The following DPP9 variants were observed in gnomAD, a reference collection of about 807,000 sequenced individuals.
DPP9 encodes the protein dipeptidyl peptidase 9.
Under a neutral mutation model 110.7 loss-of-function variants are expected in DPP9, and 50 were observed. The ratio of observed to expected loss-of-function variants is 0.45; its 90% CI spans 0.36 to 0.57. DPP9 has a LOEUF of 0.57. Among genes scored for constraint, DPP9 ranks in the 20% least tolerant of loss-of-function variants. The pLI, the probability that DPP9 is intolerant of heterozygous loss-of-function variation, is 0.00. For synonymous variants in DPP9, 561 were observed against 514.4 expected, an observed-to-expected ratio of 1.09 and a Z score of -1.23; for missense variants, 1,022 against 1,217.9, an observed-to-expected ratio of 0.84 and a Z score of 2.39.
rs947273006 is a variant in DPP9, at chr19:4,684,595, C to T, written c.2178+68G>A. 17 of 1,572,072 alleles carry T rather than the reference C, an allele frequency of 1.1e-5. No individual in the cohort carries two copies. Among genetic ancestry groups the T allele is most frequent in the Non-Finnish European group, 1.4e-5 (16 of 1,153,232 alleles). On this transcript the variant is annotated intron_variant, in intron 18 of 21. Coordinates refer to ENST00000262960, the MANE Select transcript of DPP9 (RefSeq NM_139159.5). The surrounding 1 kb of genome is among the most constrained non-coding windows in gnomAD (Gnocchi z 4.8). ...ATTCCAGAGCCGCTCCCATGCCCTG[C>T]ACCCACACGGCCCAGGGCTCCCTTC... is the stretch of plus-strand genomic sequence containing the variant.
Position 4,710,633 on chromosome 19 carries a change from G to A in DPP9, c.313+3448C>T, listed in dbSNP as rs559783480. ...AAACCTGGTGCCTGCTGAGGGGACA[G>A]GTCCCATGCTTTGAGCAGCAGGCCA... On this transcript the variant is annotated intron_variant, in intron 4 of 21. Transcript: ENST00000262960. The surrounding 1 kb of genome is among the most constrained non-coding windows in gnomAD (Gnocchi z 5.6). 1.1e-3 allele frequency among the ~76,000 whole-genome samples: 172 copies of A among 152,328 alleles called. 2 individuals carry two copies. Among genetic ancestry groups the A allele is most frequent in the Middle Eastern group, 6.8e-3 (2 of 294 alleles).
Position 4,694,568 on chromosome 19 carries a change from G to T in DPP9, c.1516+93C>A. ...GTTCCTTCTCCCGCAGGGTGTGCTG[G>T]CTGAGTGGGGGGGCCGACCAATGAA... On this transcript the variant is annotated intron_variant, in intron 13 of 21. Transcript: ENST00000262960. The surrounding 1 kb of genome is among the most constrained non-coding windows in gnomAD (Gnocchi z 4.0). 6.8e-7 allele frequency: 1 copy of T among 1,466,422 alleles called. No individual in the cohort carries two copies. Among genetic ancestry groups the T allele is most frequent in the Non-Finnish European group, 9.2e-7 (1 of 1,085,998 alleles). 90.8% of individuals were successfully genotyped at this position (1,466,422 alleles called of 1,614,324 possible). A position where few individuals can be genotyped will look rare whatever the true frequency, so the allele number is the denominator to read the frequency against.
intron 4 of DPP9, among the ~76,000 whole-genome samples, chr19:4,709,879 C>T (rs1447107972): frequency 1.3e-5 from 2 of 152,202 alleles, no homozygotes; most frequent in Non-Finnish European, 2.9e-5. Context: ...TCCAGGAGAG[C>T]TGGAGCTTTC....
chr19:4,695,146 C>T lies in DPP9; in HGVS notation c.1353+232G>A. On this transcript the variant is annotated intron_variant, in intron 12 of 21. Transcript: ENST00000262960. The surrounding 1 kb of genome is among the most constrained non-coding windows in gnomAD (Gnocchi z 4.7). Reference sequence around the variant, plus strand: ...AGTCTGGGCAACAGAGCAACCCTGTCTCTAATTAAAGAAAAAAATAGATGA... The same window carrying T: ...AGTCTGGGCAACAGAGCAACCCTGTTTCTAATTAAAGAAAAAAATAGATGA... 1.7e-6 allele frequency: 1 copy of T among 579,038 alleles called. No individual in the cohort carries two copies. The highest frequency in any genetic ancestry group is 1.9e-5 in the African/African-American group (1 of 52,858). The allele number at this position is 579,038 out of a possible 1,614,324, so 35.9% of individuals were successfully genotyped here. A position where few individuals can be genotyped will look rare whatever the true frequency, so the allele number is the denominator to read the frequency against.
chr19:4,720,842 C>T (rs1208917517), intron 2 of DPP9, among the ~76,000 whole-genome samples: 4 of 152,178 alleles, frequency 2.6e-5, no homozygotes, highest in African/African-American at 9.7e-5. Context: ...TCAACGCCTA[C>T]GCTCATATTA....
At chr19:4,711,435 T>G (rs2092824069) in intron 4 of DPP9, among the ~76,000 whole-genome samples, 1 of 151,938 alleles carries the variant, frequency 6.6e-6, no homozygotes, top group South Asian at 2.1e-4. Flanking sequence ...GAGGAGATGA[T>G]CCTGGATTAC....
intron 4 of DPP9, among the ~76,000 whole-genome samples, chr19:4,711,337 T>G (rs1392863275): frequency 6.6e-6 from 1 of 152,012 alleles, no homozygotes; most frequent in Non-Finnish European, 1.5e-5. Flanking sequence ...GACAGAGAGG[T>G]GTCCACATCC....
At chr19:4,680,747 A>G (rs1253043186) in intron 20 of DPP9, among the ~76,000 whole-genome samples, 1 of 152,038 alleles carries the variant, frequency 6.6e-6, no homozygotes, top group Non-Finnish European at 1.5e-5. Flanking sequence ...ACTTGAGGCC[A>G]GGAGTTCAAG....
chr19:4,723,505 G>A (rs2093412886), intron 1 of DPP9, among the ~76,000 whole-genome samples, 169 bp downstream of exon 1: 1 of 152,218 alleles, frequency 6.6e-6, no homozygotes, highest in Non-Finnish European at 1.5e-5. Flanking sequence ...CTGGGGCGGA[G>A]AGGAAACGAG....
At chr19:4,705,821 G>A (rs776240839) in intron 5 of DPP9, 37 bp downstream of exon 5, 9 of 1,604,104 alleles carry the variant, frequency 5.6e-6, no homozygotes, top group South Asian at 3.3e-5. Context: ...CCACCTCCTC[G>A]CCCACGGTAG....
At chr19:4,677,202 G>C (rs928073644) in intron 21 of DPP9, among the ~76,000 whole-genome samples, 10 of 152,092 alleles carry the variant, frequency 6.6e-5, no homozygotes, top group Admixed American at 1.3e-4. Flanking sequence ...AGGCTCCTGA[G>C]ACCTGGACCA....
At chr19:4,722,631 C>T (rs559181200) in intron 1 of DPP9, 80 bp from the exon 2 acceptor site, 32 of 697,588 alleles carry the variant, frequency 4.6e-5, no homozygotes, top group East Asian at 4.3e-4. Flanking sequence ...CACTCAGGAG[C>T]TGCAGACTGT....
chr19:4,685,155 G>A lies in DPP9; in HGVS notation c.2032-346C>T, dbSNP rs2090506101. On this transcript the variant is annotated intron_variant, in intron 17 of 21. Transcript: ENST00000262960. The surrounding 1 kb of genome is among the most constrained non-coding windows in gnomAD (Gnocchi z 5.8). ...TGCGGGGTGCTGAGAAGCCACTCCA[G>A]GCCAGGAGAACTCGCAGTGGTGATG... 1.8e-6 allele frequency: 1 copy of A among 552,120 alleles called. No homozygotes were observed. 34.2% of individuals were successfully genotyped at this position (552,120 alleles called of 1,614,324 possible).
rs1472230908 is a variant in DPP9 at position 4,710,135 on chromosome 19, G to A, written c.313+3946C>T. On this transcript the variant is annotated intron_variant, in intron 4 of 21. Transcript: ENST00000262960. The surrounding 1 kb of genome is among the most constrained non-coding windows in gnomAD (Gnocchi z 5.6). ...CAGCTCTGCCCCTGCAAACACACCT[G>A]ATGCCAACCTGTCACCCACCCATGC... Among the ~76,000 whole-genome samples the A allele has an allele frequency of 6.6e-6, 1 of 152,266 alleles. No homozygotes were observed. Among genetic ancestry groups the A allele is most frequent in the East Asian group, 1.9e-4 (1 of 5,176 alleles).
chr19:4,688,965 C>T (rs1236573964), intron 15 of DPP9, 73 bp from the exon 16 acceptor site: 1 of 1,467,324 alleles, frequency 6.8e-7, no homozygotes, highest in African/African-American at 1.5e-5. Context: ...GACCGCAGAT[C>T]CAGGGTAGCT....
chr19:4,702,553 C>CA, intron 8 of DPP9, 50 bp downstream of exon 8: 6 of 1,417,494 alleles, frequency 4.2e-6, no homozygotes, highest in Non-Finnish European at 5.8e-6. Flanking sequence ...CCTGTGATTC[C>CA]AGGAGGAAAA....
chr19:4,685,597 G>C lies in DPP9; in HGVS notation c.2031+29C>G. ...GGAGTCCTCGGGTGGATGGTGGGGT[G>C]GGGGCCTGGGGAGCAGGTGTGCACT... On this transcript the variant is annotated intron_variant, in intron 17 of 21. Coordinates refer to ENST00000262960, the MANE Select transcript of DPP9 (RefSeq NM_139159.5). This position sits in a 1 kb window ranked among gnomAD's most constrained non-coding sequence, Gnocchi z 5.8. 6.3e-7 allele frequency: 1 copy of C among 1,581,914 alleles called. No homozygotes were observed. The highest frequency in any genetic ancestry group is 8.6e-7 in the Non-Finnish European group (1 of 1,164,520).
chr19:4,695,247 G>T lies in DPP9; in HGVS notation c.1353+131C>A. On this transcript the variant is annotated intron_variant, in intron 12 of 21. Coordinates refer to ENST00000262960, the MANE Select transcript of DPP9 (RefSeq NM_139159.5). This position sits in a 1 kb window ranked among gnomAD's most constrained non-coding sequence, Gnocchi z 4.7. The stretch of plus-strand genomic sequence containing the variant: ...TCCCTGCCAGCCAGGGATGGCCAAG[G>T]CCTGAGCTCACTTCTCCACACAAGG... 9.6e-7 allele frequency: 1 copy of T among 1,038,030 alleles called. No individual in the cohort carries two copies. The highest frequency in any genetic ancestry group is 1.4e-6 in the Non-Finnish European group (1 of 736,590). The allele number at this position is 1,038,030 out of a possible 1,614,324, so 64.3% of individuals were successfully genotyped here.
Position 4,682,773 on chromosome 19 carries a change from G to A in DPP9, c.2397C>T (p.Tyr799=). 6.2e-7 allele frequency: 1 copy of A among 1,604,090 alleles called. No homozygotes were observed. The highest frequency in any genetic ancestry group is 8.5e-7 in the Non-Finnish European group (1 of 1,175,630). The change falls in exon 20 of 22, where the codon TAC becomes TAT. Residue 799 remains tyrosine, a synonymous_variant. Transcript: ENST00000262960. This position sits in a 1 kb window ranked among gnomAD's most constrained non-coding sequence, Gnocchi z 7.1. ...MAYDTGYTER[Y]MDVPENNQHG... ...GCTGGTTGTTCTCAGGGACGTCCAT[G>A]TAGCGCTCAGTGTACCCTGTGTCGT...
Sources: allele counts gnomAD v4.1 joint callset (sites outside exome capture counted in the v4.1 genomes callset), GRCh38; gene constraint gnomAD v4.1.1; non-coding constraint Gnocchi (gnomAD v3.1); transcripts MANE v1.5; gene names NCBI Gene and HGNC (gene_info 2026-07-23, HGNC 2026-07-21).